Variants in HIBCH observed in about 807,000 individuals in gnomAD.
HIBCH encodes 3-hydroxyisobutyryl-CoA hydrolase, mitochondrial.
In HIBCH, 50 loss-of-function variants were observed where a neutral mutation model predicts 58.2. The observed-to-expected ratio is 0.86, with a 90% CI of 0.68 to 1.09. The LOEUF is 1.09. Among genes scored for constraint, HIBCH ranks in the 50% least tolerant of loss-of-function variants. The probability of loss-of-function intolerance (pLI) is 0.00; values close to 1 mark genes in which losing one functional copy is unlikely to be tolerated. For synonymous variants in HIBCH, 151 were observed against 146.9 expected (o/e 1.03, Z -0.20); for missense variants, 450 against 449.7 (o/e 1.00, Z -0.01).
At chr2:190,232,538 C>T (rs547091229) in intron 11 of HIBCH, among the ~76,000 whole-genome samples, 9 of 152,334 alleles carry the variant, frequency 5.9e-5, no homozygotes, top group African/African-American at 2.2e-4. Flanking sequence ...ACCTGGTTTC[C>T]TCCAGATTCC....
In HIBCH at chr2:190,315,996, T is replaced by C. The variant is rs1182266369; in HGVS notation, c.35+3720A>G. Among the ~76,000 whole-genome samples, 1 of 152,194 alleles carries C rather than the reference T, an allele frequency of 6.6e-6. No homozygotes were observed. Among genetic ancestry groups the C allele is most frequent in the African/African-American group, 2.4e-5 (1 of 41,458 alleles). ...AAGTTAGAACTAAAGGTATATCTTA[T>C]GCCACATGCATGTACAATCACTGAG... is the stretch of plus-strand genomic sequence containing the variant. On this transcript the variant is annotated intron_variant, in intron 1 of 13. Coordinates refer to ENST00000359678, the MANE Select transcript of HIBCH (RefSeq NM_014362.4). The surrounding 1 kb of genome is among the most constrained non-coding windows in gnomAD (Gnocchi z 5.4).
chr2:190,315,531 A>T lies in HIBCH; in HGVS notation c.35+4185T>A, dbSNP rs1688692259. 1.3e-5 allele frequency among the ~76,000 whole-genome samples: 2 copies of T among 152,234 alleles called. No individual in the cohort carries two copies. The highest frequency in any genetic ancestry group is 4.8e-5 in the African/African-American group (2 of 41,466). ...TTAGATGAGAACTTTATCACTCAGGAACTTTTTGCAATTATCCAATAAAAC... is the reference window on the plus strand; with the variant it reads ...TTAGATGAGAACTTTATCACTCAGGTACTTTTTGCAATTATCCAATAAAAC... On this transcript the variant is annotated intron_variant, in intron 1 of 13. Transcript: ENST00000359678. The surrounding 1 kb of genome is among the most constrained non-coding windows in gnomAD (Gnocchi z 5.4).
At chr2:190,233,298 A>C (rs1015233226) in intron 11 of HIBCH, among the ~76,000 whole-genome samples, 1 of 152,190 alleles carries the variant, frequency 6.6e-6, no homozygotes, top group Non-Finnish European at 1.5e-5. Context: ...ACAGAAAAGA[A>C]GATGATATGG....
chr2:190,287,431 T>C (rs1268518369), intron 6 of HIBCH, among the ~76,000 whole-genome samples, 155 bp downstream of exon 6: 1 of 152,182 alleles, frequency 6.6e-6, no homozygotes, highest in Non-Finnish European at 1.5e-5. Flanking sequence ...TAAGCAAATA[T>C]TATATCTCAA....
intron 1 of HIBCH, among the ~76,000 whole-genome samples, chr2:190,191,984 G>T (rs1231725489): frequency 2.7e-5 from 4 of 150,844 alleles, no homozygotes; most frequent in Non-Finnish European, 5.9e-5. Flanking sequence ...TAGTTTACCA[G>T]TTTTTTTCTT....
chr2:190,296,794 C>G lies in HIBCH; in HGVS notation c.219+19G>C. On this transcript the variant is annotated intron_variant, in intron 3 of 13. Transcript: ENST00000359678. ...ACTTTGAAAAGAATCCATATAATTG[C>G]AATAAGAAAATTACAAACCTTTAGC... 6.2e-7 allele frequency: 1 copy of G among 1,600,296 alleles called. No homozygotes were observed. Among genetic ancestry groups the G allele is most frequent in the South Asian group, 1.1e-5 (1 of 90,784 alleles).
At position 190,243,871 on chromosome 2, in the gene HIBCH, G is replaced by A. The variant is rs1686523360; in HGVS notation, c.891+1016C>T. Among the ~76,000 whole-genome samples the A allele has an allele frequency of 6.6e-6, 1 of 152,182 alleles. No individual in the cohort carries two copies. Among genetic ancestry groups the A allele is most frequent in the Non-Finnish European group, 1.5e-5 (1 of 68,028 alleles). On this transcript the variant is annotated intron_variant, in intron 11 of 13. Coordinates refer to ENST00000359678, the MANE Select transcript of HIBCH (RefSeq NM_014362.4). This position sits in a 1 kb window ranked among gnomAD's most constrained non-coding sequence, Gnocchi z 4.1. ...CGTAGTCCCAGCTACTCAGGAGGCT[G>A]AGGTGTGAGGATTGCTTGAGCCTGG...
intron 11 of HIBCH, among the ~76,000 whole-genome samples, chr2:190,232,749 G>C (rs992849595): frequency 1.3e-5 from 2 of 152,132 alleles, no homozygotes; most frequent in African/African-American, 4.8e-5. Context: ...CCGAGGTCAG[G>C]AGATCGAGAC....
intron 11 of HIBCH, among the ~76,000 whole-genome samples, chr2:190,234,452 AC>A (rs1165546990): frequency 6.6e-6 from 1 of 152,228 alleles, no homozygotes; most frequent in African/African-American, 2.4e-5. Flanking sequence ...AATACATCAA[AC>A]AATGGAGCAT....
chr2:190,190,190 G>A (rs1365038179), intron 1 of HIBCH, among the ~76,000 whole-genome samples: 1 of 152,056 alleles, frequency 6.6e-6, no homozygotes, highest in Non-Finnish European at 1.5e-5. Context: ...TTTTTTAATA[G>A]CCTAGAAAGT....
At chr2:190,294,397 A>G (rs896785804) in intron 4 of HIBCH, 149 bp downstream of exon 4, 8 of 631,168 alleles carry the variant, frequency 1.3e-5, no homozygotes, top group Non-Finnish European at 2.2e-5. Flanking sequence ...GTAAGTCTTT[A>G]AATTTTTCTT....
chr2:190,220,828 G>A (rs1685698708), intron 11 of HIBCH, among the ~76,000 whole-genome samples: 1 of 152,122 alleles, frequency 6.6e-6, no homozygotes, highest in Non-Finnish European at 1.5e-5. Context: ...ATAAGGGAGT[G>A]ACATGACCAC....
rs1686262649 is a variant in HIBCH, at chr2:190,236,001, T to A, written c.891+8886A>T. 6.6e-6 allele frequency among the ~76,000 whole-genome samples: 1 copy of A among 152,160 alleles called. No individual in the cohort carries two copies. Among genetic ancestry groups the A allele is most frequent in the African/African-American group, 2.4e-5 (1 of 41,444 alleles). ...ATCATATGAAATACTTTGTCATAGGTGCCAGGAGATAAGGGTTAAGCAAGC... is the reference window on the plus strand; with the variant it reads ...ATCATATGAAATACTTTGTCATAGGAGCCAGGAGATAAGGGTTAAGCAAGC... On this transcript the variant is annotated intron_variant, in intron 11 of 13. Coordinates refer to ENST00000359678, the MANE Select transcript of HIBCH (RefSeq NM_014362.4). This position sits in a 1 kb window ranked among gnomAD's most constrained non-coding sequence, Gnocchi z 4.1.
chr2:190,274,152 CTTTATTA>C (rs1687484398), intron 6 of HIBCH, among the ~76,000 whole-genome samples: 1 of 152,116 alleles, frequency 6.6e-6, no homozygotes, highest in Non-Finnish European at 1.5e-5. Flanking sequence ...AAACCCGGCA[CTTTATTA>C]TTTAATTAAA....
intron 7 of HIBCH, among the ~76,000 whole-genome samples, chr2:190,253,801 T>A (rs534395557): frequency 1.3e-5 from 2 of 152,306 alleles, no homozygotes; most frequent in East Asian, 3.9e-4. Flanking sequence ...TCACTCCCAA[T>A]ACTCCAGCCA....
chr2:190,227,727 C>A (rs528763380), intron 11 of HIBCH, among the ~76,000 whole-genome samples: 80 of 152,168 alleles, frequency 5.3e-4, no homozygotes, highest in South Asian at 1.0e-3. Context: ...TCAAACAACC[C>A]CATCAAAAAG....
intron 1 of HIBCH, among the ~76,000 whole-genome samples, chr2:190,193,696 T>A (rs528323052): frequency 6.6e-6 from 1 of 152,276 alleles, no homozygotes; most frequent in South Asian, 2.1e-4. Flanking sequence ...CCATTACACA[T>A]CTTAATATGT....
chr2:190,235,254 C>A (rs1336936985), intron 11 of HIBCH, among the ~76,000 whole-genome samples: 1 of 152,172 alleles, frequency 6.6e-6, no homozygotes, highest in Non-Finnish European at 1.5e-5. Flanking sequence ...CATATTATTA[C>A]TAACAGGCTT....
At chr2:190,251,087 G>A (rs747909995) in intron 8 of HIBCH, among the ~76,000 whole-genome samples, 8 of 152,138 alleles carry the variant, frequency 5.3e-5, no homozygotes, top group African/African-American at 1.2e-4. Flanking sequence ...ACATACAAGA[G>A]ACTCTCAATG....
Sources: gnomAD v4.1 joint callset for allele counts (sites outside exome capture counted in the v4.1 genomes callset) on GRCh38, gnomAD v4.1.1 for gene constraint, Gnocchi (gnomAD v3.1) non-coding constraint, MANE v1.5 for transcripts, NCBI Gene and HGNC (gene_info 2026-07-23, HGNC 2026-07-21) for gene names.